Variants in TMEM276 observed in about 807,000 individuals in gnomAD.
The protein encoded by TMEM276 is transmembrane protein 276.
the TMEM276 span, chr8:144,465,120 C>G: frequency 6.8e-7 from 1 of 1,480,762 alleles, no homozygotes. Flanking sequence ...GAACCTAATT[C>G]AGCCGGGAAA....
chr8:144,466,744 C>G, the TMEM276 span: 1 of 1,520,410 alleles, frequency 6.6e-7, no homozygotes, highest in South Asian at 1.2e-5. Context: ...CAGGGGCGCC[C>G]CTGCCCCCTC....
At chr8:144,465,333 G>A in the TMEM276 span, 7 of 1,100,222 alleles carry the variant, frequency 6.4e-6, no homozygotes, top group Non-Finnish European at 7.8e-6. Flanking sequence ...GACTCCGGGA[G>A]GCCAGCCGTG....
chr8:144,466,342 T>G, the TMEM276 span: 2 of 484,160 alleles, frequency 4.1e-6, no homozygotes, highest in Non-Finnish European at 5.9e-6. Flanking sequence ...GCACCGGCAC[T>G]GCGGCGGGCG....
chr8:144,466,643 C>T, the TMEM276 span: 5 of 990,756 alleles, frequency 5.0e-6, no homozygotes, highest in African/African-American at 8.7e-5. Flanking sequence ...ACCCTCGGCT[C>T]GGCCCCGATG....
At chr8:144,464,216 G>GTAGCAGCAGCAGCC in the TMEM276 span, 4 of 1,612,974 alleles carry the variant, frequency 2.5e-6, no homozygotes, top group Non-Finnish European at 1.7e-6. Flanking sequence ...TCCTCCTTCG[G>GTAGCAGCAGCAGCC]TAGCAGCAGC....
At chr8:144,464,313 A>G in the TMEM276 span, 1 of 1,613,028 alleles carries the variant, frequency 6.2e-7, no homozygotes, top group Non-Finnish European at 8.5e-7. Context: ...CCGTGAAGAC[A>G]GCTACAATGA....
the TMEM276 span, chr8:144,463,983 G>A: frequency 6.6e-7 from 1 of 1,510,806 alleles, no homozygotes; most frequent in Non-Finnish European, 8.8e-7. Context: ...ACAGCACCCA[G>A]ACTCTGCCCC....
At chr8:144,465,051 A>T in the TMEM276 span, 1 of 1,534,204 alleles carries the variant, frequency 6.5e-7, no homozygotes, top group Non-Finnish European at 8.7e-7. Context: ...ATGTTAGGAG[A>T]AGTTCAGTCC....
chr8:144,465,417 C>G, the TMEM276 span: 1 of 1,012,670 alleles, frequency 9.9e-7, no homozygotes, highest in African/African-American at 1.7e-5. Context: ...CACCGCCCAC[C>G]GCCGTCGGCC....
At chr8:144,465,504 A>C in the TMEM276 span, 1 of 922,364 alleles carries the variant, frequency 1.1e-6, no homozygotes, top group Non-Finnish European at 1.3e-6. Flanking sequence ...AGCGGAGGCT[A>C]GAGCGGCCGG....
At chr8:144,463,972 G>C in the TMEM276 span, 3 of 1,504,604 alleles carry the variant, frequency 2.0e-6, no homozygotes, top group Non-Finnish European at 2.6e-6. Context: ...GTGGCCAAAG[G>C]ACAGCACCCA....
At chr8:144,466,243 C>T in the TMEM276 span, 1 of 196,668 alleles carries the variant, frequency 5.1e-6, no homozygotes, top group East Asian at 1.3e-4. Context: ...CCAGGTGCGG[C>T]CGCGGGCACC....
At chr8:144,465,200 G>C in the TMEM276 span, 1 of 1,278,720 alleles carries the variant, frequency 7.8e-7, no homozygotes, top group Non-Finnish European at 1.0e-6. Context: ...CCAAGTGGGA[G>C]TGCGGGCCTG....
the TMEM276 span, chr8:144,464,956 G>C: frequency 5.0e-6 from 8 of 1,592,584 alleles, no homozygotes; most frequent in Non-Finnish European, 6.0e-6. Context: ...CTCAACTTTG[G>C]AGAGGAAGGA....
At chr8:144,465,016 C>T in the TMEM276 span, 4 of 1,536,962 alleles carry the variant, frequency 2.6e-6, no homozygotes, top group Non-Finnish European at 3.5e-6. Context: ...TCTAGTAAGC[C>T]CAGGTTCCAG....
At chr8:144,465,341 G>A in the TMEM276 span, 5 of 1,091,348 alleles carry the variant, frequency 4.6e-6, no homozygotes, top group Non-Finnish European at 5.6e-6. Context: ...GAGGCCAGCC[G>A]TGCGCAGTTA....
the TMEM276 span, chr8:144,466,983 C>G: frequency 1.3e-6 from 2 of 1,596,278 alleles, no homozygotes; most frequent in Non-Finnish European, 1.7e-6. Flanking sequence ...GAGGATGGGT[C>G]GGAAGGCGCA....
the TMEM276 span, chr8:144,463,901 G>C: frequency 7.1e-7 from 1 of 1,403,346 alleles, no homozygotes; most frequent in Non-Finnish European, 9.2e-7. Context: ...CCCAGAATCA[G>C]GACCCCCAAA....
chr8:144,464,811 C>T, the TMEM276 span: 61 of 1,612,556 alleles, frequency 3.8e-5, no homozygotes, highest in South Asian at 5.7e-4. Context: ...GTACTCACCT[C>T]GGCTGTGCTC....
Sources: gnomAD v4.1 joint callset for allele counts on GRCh38, gnomAD v4.1.1 for gene constraint, MANE v1.5 for transcripts, NCBI Gene and HGNC (gene_info 2026-07-23, HGNC 2026-07-21) for gene names.